The following NRXN3 variants were observed in gnomAD, a reference collection of about 807,000 sequenced individuals.
NRXN3 encodes the protein neurexin III.
A neutral mutation model predicts 137.6 loss-of-function variants in NRXN3; 32 were observed. The observed-to-expected ratio is 0.23, with a 90% CI of 0.18 to 0.31. The LOEUF (loss-of-function observed/expected upper bound fraction) is 0.31, where lower values mean the gene tolerates loss of function less well. NRXN3 is among the 10% of genes least tolerant of loss of function. The pLI is 1.00. For synonymous variants in NRXN3, 798 were observed against 784.5 expected, an observed-to-expected ratio of 1.02 and a Z score of -0.29; for missense variants, 1,574 against 2,062.5, an observed-to-expected ratio of 0.76 and a Z score of 4.59.
At chr14:78,392,329 A>G (rs1283575673) in intron 4 of NRXN3, among the ~76,000 whole-genome samples, 1 of 152,236 alleles carries the variant, frequency 6.6e-6, no homozygotes. Context: ...TGCAATGCAT[A>G]CAGACTCCTC....
intron 6 of NRXN3, among the ~76,000 whole-genome samples, chr14:78,706,758 G>T (rs528218883): frequency 3.3e-5 from 5 of 152,226 alleles, no homozygotes; most frequent in Non-Finnish European, 7.4e-5. Context: ...ATTGACTATG[G>T]TTAGGTCCAC....
intron 19 of NRXN3, among the ~76,000 whole-genome samples, chr14:79,738,471 T>G (rs562882613): frequency 1.3e-5 from 2 of 152,296 alleles, no homozygotes; most frequent in East Asian, 3.9e-4. Context: ...AGAGAGAATG[T>G]GGCCCTGCTG....
At chr14:79,831,772 T>C (rs1266481963) in intron 20 of NRXN3, among the ~76,000 whole-genome samples, 1 of 152,118 alleles carries the variant, frequency 6.6e-6, no homozygotes, top group Non-Finnish European at 1.5e-5. Flanking sequence ...AACAACCAGA[T>C]TGCATTAAGC....
intron 4 of NRXN3, among the ~76,000 whole-genome samples, chr14:78,553,914 C>G (rs1374962007): frequency 2.0e-5 from 3 of 152,138 alleles, no homozygotes; most frequent in Non-Finnish European, 4.4e-5. Flanking sequence ...ATGCAGCCTA[C>G]TTGTGATTTA....
chr14:78,184,716 C>T (rs1375098113), intron 1 of NRXN3, among the ~76,000 whole-genome samples: 2 of 152,172 alleles, frequency 1.3e-5, no homozygotes, highest in Non-Finnish European at 1.5e-5. Flanking sequence ...TCACCTCCAG[C>T]GTAGAGATGA....
chr14:79,217,635 G>A (rs1003513118), intron 15 of NRXN3, among the ~76,000 whole-genome samples: 42 of 152,140 alleles, frequency 2.8e-4, no homozygotes, highest in African/African-American at 9.7e-4. Context: ...CATAAGTGAT[G>A]TTCTAGTGGT....
At chr14:79,747,821 T>G (rs2098984184) in intron 19 of NRXN3, among the ~76,000 whole-genome samples, 1 of 151,922 alleles carries the variant, frequency 6.6e-6, no homozygotes, top group African/African-American at 2.4e-5. Flanking sequence ...GGCCCTGGAG[T>G]CAAACTTAGG....
intron 2 of NRXN3, among the ~76,000 whole-genome samples, chr14:78,248,284 G>A (rs1241774135): frequency 1.0e-5 from 1 of 97,626 alleles, no homozygotes; most frequent in Non-Finnish European, 2.0e-5. Flanking sequence ...CCTCAGTAGT[G>A]ACTAGCCACC....
chr14:79,169,364 C>A (rs1004326058), intron 15 of NRXN3, among the ~76,000 whole-genome samples: 2 of 152,122 alleles, frequency 1.3e-5, no homozygotes, highest in East Asian at 1.9e-4. Flanking sequence ...TTCAACAATT[C>A]TCTTATTAGT....
chr14:78,316,515 G>A (rs1220633594), intron 4 of NRXN3, among the ~76,000 whole-genome samples: 2 of 152,154 alleles, frequency 1.3e-5, no homozygotes, highest in Non-Finnish European at 2.9e-5. Flanking sequence ...GTGTTTGTTT[G>A]TTTGTTTTTT....
rs922205496 is a variant in NRXN3, at chr14:79,117,107, A to G, written c.3262+128966A>G. Among the ~76,000 whole-genome samples, 3 of 152,236 alleles carry G rather than the reference A, an allele frequency of 2.0e-5. No individual in the cohort carries two copies. In the East Asian group the frequency reaches 5.8e-4, roughly 29 times the overall value. The stretch of plus-strand genomic sequence containing the variant: ...TTCTAACACTTGAGACATATTCAAG[A>G]ATAAGACACACATAGTCCTTGTCCT... On this transcript the variant is annotated intron_variant, in intron 15 of 20. Coordinates refer to ENST00000335750, the MANE Select transcript of NRXN3 (RefSeq NM_001330195.2).
chr14:79,720,476 G>A (rs1479472952), intron 19 of NRXN3, among the ~76,000 whole-genome samples: 2 of 152,042 alleles, frequency 1.3e-5, no homozygotes, highest in Non-Finnish European at 2.9e-5. Flanking sequence ...TTGTTGTGAT[G>A]AACACTATGC....
intron 4 of NRXN3, among the ~76,000 whole-genome samples, chr14:78,632,038 C>G (rs1403863230): frequency 6.7e-6 from 1 of 150,328 alleles, no homozygotes; most frequent in Non-Finnish European, 1.5e-5. Flanking sequence ...GGTGTGAACC[C>G]AGGAGGCGGA....
At chr14:79,671,389 TC>T in intron 17 of NRXN3, among the ~76,000 whole-genome samples, 1 of 152,118 alleles carries the variant, frequency 6.6e-6, no homozygotes, top group East Asian at 1.9e-4. Context: ...ATTATAGAAT[TC>T]CCCCCTCAGG....
At chr14:78,679,688 A>G (rs1175933638) in intron 6 of NRXN3, among the ~76,000 whole-genome samples, 3 of 152,208 alleles carry the variant, frequency 2.0e-5, no homozygotes, top group East Asian at 3.9e-4. Context: ...ACCCTGAAGC[A>G]GTAGTTTGAC....
At chr14:78,874,165 T>G (rs2099108138) in intron 10 of NRXN3, among the ~76,000 whole-genome samples, 2 of 152,048 alleles carry the variant, frequency 1.3e-5, no homozygotes, top group African/African-American at 4.8e-5. Flanking sequence ...AGAGATAGGA[T>G]ATCACCATGT....
At chr14:78,288,161 G>A (rs1346605936) in intron 3 of NRXN3, among the ~76,000 whole-genome samples, 3 of 152,118 alleles carry the variant, frequency 2.0e-5, no homozygotes, top group African/African-American at 2.4e-5. Context: ...CGTATTTTTA[G>A]TAGAGACAGT....
chr14:79,425,078 T>A (rs2095635099), intron 15 of NRXN3, among the ~76,000 whole-genome samples: 1 of 152,216 alleles, frequency 6.6e-6, no homozygotes, highest in Admixed American at 6.5e-5. Context: ...GGGGTTAAAC[T>A]CACAGACATT....
At chr14:79,384,632 A>G (rs12894761) in intron 15 of NRXN3, among the ~76,000 whole-genome samples, 99,510 of 151,954 alleles carry the variant, frequency 0.65, 33,787 homozygotes, top group Middle Eastern at 0.84. Flanking sequence ...TTTAGACCAC[A>G]GGCATTTTTC....
Sources: gnomAD v4.1 joint callset for allele counts (sites outside exome capture counted in the v4.1 genomes callset) on GRCh38, gnomAD v4.1.1 for gene constraint, MANE v1.5 for transcripts, NCBI Gene and HGNC (gene_info 2026-07-23, HGNC 2026-07-21) for gene names.